The following PACRG variants were observed in gnomAD, a reference collection of about 807,000 sequenced individuals.
PACRG encodes parkin coregulated, also known as parkin coregulated gene protein.
PACRG carries 29 observed loss-of-function variants against 29.7 expected under a neutral mutation model. The observed-to-expected ratio is 0.98, with a 90% CI of 0.73 to 1.33. The LOEUF (loss-of-function observed/expected upper bound fraction) is 1.33. Among genes scored for constraint, PACRG ranks in the 40% most tolerant of loss-of-function variants. The pLI is 0.00. For missense variants in PACRG, 279 were observed against 316.2 expected (o/e 0.88, Z 0.89); for synonymous variants, 116 against 118.7 (o/e 0.98, Z 0.15).
At chr6:163,213,978 T>C (rs1363999804) in intron 4 of PACRG, among the ~76,000 whole-genome samples, 4 of 152,232 alleles carry the variant, frequency 2.6e-5, no homozygotes, top group Non-Finnish European at 5.9e-5. Context: ...AAACACAACC[T>C]ATATCACAAT....
intron 2 of PACRG, among the ~76,000 whole-genome samples, chr6:163,048,480 A>G (rs1379499875): frequency 2.0e-5 from 3 of 152,102 alleles, no homozygotes; most frequent in Non-Finnish European, 4.4e-5. Context: ...CAATGTGCCT[A>G]TTTGTTTGGA....
At chr6:162,867,769 A>G (rs1180228275) in intron 2 of PACRG, among the ~76,000 whole-genome samples, 1 of 152,162 alleles carries the variant, frequency 6.6e-6, no homozygotes, top group Non-Finnish European at 1.5e-5. Context: ...AACATCTCCC[A>G]GTCAGAACAG....
chr6:162,958,878 TATATATAGAGAGAGAGAGAGAGAGAGAG>T (rs1371994965), intron 2 of PACRG, among the ~76,000 whole-genome samples: 949 of 19,952 alleles, frequency 0.048, 4 homozygotes, highest in South Asian at 0.057. Flanking sequence ...TATATATATA[TATATATAGAGAGAGAGAGAGAGAGAGAG>T]AGAGAGAGAG....
At chr6:162,915,897 T>C (rs1796664158) in intron 2 of PACRG, among the ~76,000 whole-genome samples, 1 of 152,136 alleles carries the variant, frequency 6.6e-6, no homozygotes. Flanking sequence ...GACACTGGTA[T>C]AATTTTAGTG....
chr6:162,825,523 T>C (rs1788201962), intron 2 of PACRG, among the ~76,000 whole-genome samples: 1 of 152,242 alleles, frequency 6.6e-6, no homozygotes, highest in Non-Finnish European at 1.5e-5. Context: ...TTTTTTCAAA[T>C]TTACTTTCAG....
intron 4 of PACRG, among the ~76,000 whole-genome samples, chr6:163,203,735 C>T (rs1033161377): frequency 2.6e-5 from 4 of 152,152 alleles, no homozygotes; most frequent in Non-Finnish European, 5.9e-5. Context: ...GGCAGTATAC[C>T]AATGCAGTTC....
At chr6:162,759,547 A>G (rs552118040) in intron 1 of PACRG, among the ~76,000 whole-genome samples, 3 of 152,322 alleles carry the variant, frequency 2.0e-5, no homozygotes, top group Admixed American at 6.5e-5. Flanking sequence ...TGCTTACTCC[A>G]TTATTTCATT....
At chr6:163,177,772 GAA>G (rs1779453501) in intron 4 of PACRG, among the ~76,000 whole-genome samples, 1 of 115,140 alleles carries the variant, frequency 8.7e-6, no homozygotes, top group Admixed American at 1.2e-4. Flanking sequence ...TCTGCAAGGA[GAA>G]GAGTCTGAGA....
At chr6:163,069,525 TCA>T (rs1811851608) in intron 3 of PACRG, among the ~76,000 whole-genome samples, 1 of 152,062 alleles carries the variant, frequency 6.6e-6, no homozygotes, top group Non-Finnish European at 1.5e-5. Context: ...GAAGAATGCA[TCA>T]GAGTCTTTTA....
chr6:163,171,547 T>C (rs1283671167), intron 4 of PACRG, among the ~76,000 whole-genome samples: 2 of 152,226 alleles, frequency 1.3e-5, no homozygotes, highest in Non-Finnish European at 2.9e-5. Context: ...TAGGCTCCTA[T>C]CTACTCCCAA....
At position 163,285,178 on chromosome 6, in the gene PACRG, C is replaced by T. The variant is rs186300655; in HGVS notation, c.614-29649C>T. ...GCTTGTCCAGCCTCCCCCAGACACC[C>T]CTCTCCCCACCCCACCTGCAACTCC... On this transcript the variant is annotated intron_variant, in intron 4 of 4. Coordinates refer to ENST00000366888, the MANE Select transcript of PACRG (RefSeq NM_001080379.2). 6.1e-3 allele frequency among the ~76,000 whole-genome samples: 932 copies of T among 152,146 alleles called. 8 individuals are homozygous for T. The highest frequency in any genetic ancestry group is 0.02 in the Middle Eastern group (6 of 294).
At chr6:162,937,265 T>G (rs928473027) in intron 2 of PACRG, among the ~76,000 whole-genome samples, 7 of 152,192 alleles carry the variant, frequency 4.6e-5, no homozygotes. Context: ...AAAATTAACT[T>G]TAATGAATTA....
At chr6:163,217,071 C>A (rs776214046) in intron 4 of PACRG, among the ~76,000 whole-genome samples, 2 of 152,314 alleles carry the variant, frequency 1.3e-5, no homozygotes, top group South Asian at 2.1e-4. Context: ...TCAAAACTTC[C>A]GTTGAGTCCT....
At chr6:162,915,441 T>TA (rs1005756711) in intron 2 of PACRG, among the ~76,000 whole-genome samples, 1 of 152,022 alleles carries the variant, frequency 6.6e-6, no homozygotes, top group Non-Finnish European at 1.5e-5. Flanking sequence ...GTAAGCATAA[T>TA]AAAAAACACC....
rs993124996 is a variant in PACRG, at chr6:163,049,935, T to G, written c.292-12215T>G. On this transcript the variant is annotated intron_variant, in intron 2 of 4. Transcript: ENST00000366888. ...ATAAAACAGTTCCTCTTCCAGGAAT[T>G]TATCCTACAAGATACTTTTTTTTTA... Among the ~76,000 whole-genome samples the G allele has an allele frequency of 4.6e-5, 7 of 152,122 alleles. No homozygotes were observed. In the East Asian group the frequency reaches 1.3e-3, roughly 29 times the overall value.
intron 4 of PACRG, among the ~76,000 whole-genome samples, chr6:163,160,909 T>C (rs1778529149): frequency 6.6e-6 from 1 of 152,234 alleles, no homozygotes; most frequent in African/African-American, 2.4e-5. Flanking sequence ...TCTTGGGCAT[T>C]CTGCTAGGCT....
At chr6:163,293,738 G>A (rs1188541828) in intron 4 of PACRG, among the ~76,000 whole-genome samples, 1 of 152,128 alleles carries the variant, frequency 6.6e-6, no homozygotes. Context: ...AAATATTAAA[G>A]TAAGGTATAC....
chr6:162,805,356 A>G (rs1208803296), intron 1 of PACRG, among the ~76,000 whole-genome samples: 2 of 152,232 alleles, frequency 1.3e-5, no homozygotes, highest in African/African-American at 2.4e-5. Flanking sequence ...TGAGCCTACC[A>G]TAATTAAAAA....
chr6:163,059,956 C>T (rs1004201088), intron 2 of PACRG, among the ~76,000 whole-genome samples: 1 of 152,020 alleles, frequency 6.6e-6, no homozygotes, highest in African/African-American at 2.4e-5. Context: ...TTATCTCTCA[C>T]TAAGATAAAT....
Sources: allele counts gnomAD v4.1 joint callset (sites outside exome capture counted in the v4.1 genomes callset), GRCh38; gene constraint gnomAD v4.1.1; transcripts MANE v1.5; gene names NCBI Gene and HGNC (gene_info 2026-07-23, HGNC 2026-07-21).